DPP6: variants seen among roughly 807,000 people sequenced by gnomAD.
The protein encoded by DPP6 is A-type potassium channel modulatory protein DPP6.
DPP6 carries 69 observed loss-of-function variants against 122.6 expected under a neutral mutation model. The observed-to-expected ratio is 0.56, with a 90% CI of 0.46 to 0.69. DPP6 has a LOEUF of 0.69. Ranked by LOEUF, DPP6 falls within the 30% of genes least tolerant of loss-of-function variation. DPP6 has a pLI of 0.00. For synonymous variants in DPP6, 418 were observed against 433.1 expected, an observed-to-expected ratio of 0.97 and a Z score of 0.43; for missense variants, 928 against 1,116.9, an observed-to-expected ratio of 0.83 and a Z score of 2.41.
chr7:154,330,258 TAATTGA>T (rs1430237233), intron 1 of DPP6, among the ~76,000 whole-genome samples: 1 of 152,214 alleles, frequency 6.6e-6, no homozygotes, highest in East Asian at 1.9e-4. Context: ...TAGTTCTAAT[TAATTGA>T]AATTGAGATC....
intron 12 of DPP6, among the ~76,000 whole-genome samples, chr7:154,800,735 G>A (rs531554723): frequency 2.4e-4 from 37 of 152,182 alleles, no homozygotes; most frequent in Admixed American, 2.4e-3. Context: ...CCCTGGGACT[G>A]CTGTCCCCTC....
intron 1 of DPP6, among the ~76,000 whole-genome samples, chr7:154,012,067 A>G (rs746805861): frequency 4.6e-5 from 7 of 152,208 alleles, no homozygotes; most frequent in African/African-American, 9.6e-5. Context: ...TGTTATCTCC[A>G]TTTCACAAAT....
intron 1 of DPP6, among the ~76,000 whole-genome samples, chr7:154,220,371 G>A (rs1350052431): frequency 3.3e-5 from 5 of 152,150 alleles, no homozygotes; most frequent in Admixed American, 6.5e-5. Flanking sequence ...TAAGTGATGT[G>A]AACTCAGGAC....
intron 1 of DPP6, among the ~76,000 whole-genome samples, chr7:154,430,901 TTAA>T (rs1818298845): frequency 6.4e-5 from 2 of 31,186 alleles, no homozygotes; most frequent in Non-Finnish European, 3.3e-4. Flanking sequence ...GTTTCTTTCG[TTAA>T]GTTAAGTCTT....
intron 1 of DPP6, among the ~76,000 whole-genome samples, chr7:154,101,935 CA>C (rs915468915): frequency 0.16 from 6,635 of 40,870 alleles, 76 homozygotes; most frequent in Middle Eastern, 0.22. Context: ...TACTCCATCT[CA>C]AAAAAAAAAA....
intron 1 of DPP6, among the ~76,000 whole-genome samples, chr7:154,357,715 G>A (rs1161229365): frequency 2.0e-5 from 3 of 152,156 alleles, no homozygotes; most frequent in African/African-American, 7.2e-5. Flanking sequence ...GCTGAGGTGG[G>A]TGGATCACCT....
chr7:154,275,044 T>C (rs1804038926), intron 1 of DPP6, among the ~76,000 whole-genome samples: 1 of 152,230 alleles, frequency 6.6e-6, no homozygotes, highest in African/African-American at 2.4e-5. Flanking sequence ...GCAGGTGCAC[T>C]GTCATGCTCA....
intron 20 of DPP6, among the ~76,000 whole-genome samples, chr7:154,879,897 C>T (rs1401265586): frequency 2.0e-5 from 3 of 152,318 alleles, no homozygotes; most frequent in East Asian, 1.9e-4. Flanking sequence ...CTGAGGCCTC[C>T]GCCACGTGGA....
At chr7:153,837,707 T>G in the DPP6 span, among the ~76,000 whole-genome samples, 1 of 152,094 alleles carries the variant, frequency 6.6e-6, no homozygotes, top group African/African-American at 2.4e-5. Context: ...ATTTTTGTTT[T>G]GAGACGGATT....
At chr7:153,915,800 A>G (rs931044261) in intron 1 of DPP6, among the ~76,000 whole-genome samples, 1 of 152,210 alleles carries the variant, frequency 6.6e-6, no homozygotes. Context: ...GAGACAATGA[A>G]TCAGCATTTC....
chr7:154,803,727 A>G (rs1006285379), intron 13 of DPP6, 137 bp from the exon 14 acceptor site: 2 of 1,337,166 alleles, frequency 1.5e-6, no homozygotes, highest in African/African-American at 2.9e-5. Context: ...AGGAGCAGGC[A>G]GAAGGGGCAG....
intron 16 of DPP6, among the ~76,000 whole-genome samples, chr7:154,851,418 T>C (rs1802371414): frequency 6.6e-6 from 1 of 152,260 alleles, no homozygotes; most frequent in Non-Finnish European, 1.5e-5. Context: ...TATTCTGTTT[T>C]CAAATTTATT....
chr7:154,553,864 C>T (rs1312755305), intron 4 of DPP6, among the ~76,000 whole-genome samples: 3 of 133,198 alleles, frequency 2.3e-5, no homozygotes, highest in Non-Finnish European at 4.6e-5. Context: ...AAAATGAAGA[C>T]TAGAGATGCA....
chr7:154,577,421 AG>A (rs1391643817), intron 5 of DPP6, among the ~76,000 whole-genome samples: 1 of 152,184 alleles, frequency 6.6e-6, no homozygotes, highest in African/African-American at 2.4e-5. Context: ...CAGATGTTTC[AG>A]GGAACACCGT....
At chr7:154,127,828 G>T (rs1255217311) in intron 1 of DPP6, among the ~76,000 whole-genome samples, 1 of 152,064 alleles carries the variant, frequency 6.6e-6, no homozygotes, top group African/African-American at 2.4e-5. Flanking sequence ...TTCACAAGCT[G>T]CTTTCCAGCT....
intron 1 of DPP6, among the ~76,000 whole-genome samples, chr7:154,036,309 G>A (rs1166804945): frequency 9.4e-4 from 128 of 135,976 alleles, no homozygotes; most frequent in African/African-American, 3.6e-3. Context: ...GTTGGGGGCG[G>A]GGGGATTCAC....
chr7:153,824,096 A>G, the DPP6 span, among the ~76,000 whole-genome samples: 8 of 152,166 alleles, frequency 5.3e-5, no homozygotes, highest in Non-Finnish European at 1.2e-4. Flanking sequence ...CACATCAGAA[A>G]TAGGTATTGG....
chr7:154,116,348 T>C (rs1806984069), intron 1 of DPP6, among the ~76,000 whole-genome samples: 1 of 152,250 alleles, frequency 6.6e-6, no homozygotes, highest in African/African-American at 2.4e-5. Flanking sequence ...TTTTCATTGA[T>C]CTTTAGAAAT....
intron 1 of DPP6, among the ~76,000 whole-genome samples, chr7:154,240,921 C>T (rs1173067204): frequency 2.0e-5 from 3 of 152,074 alleles, no homozygotes; most frequent in Admixed American, 6.6e-5. Flanking sequence ...GACATGATAT[C>T]ATATACTTGG....
Sources: gnomAD v4.1 joint callset for allele counts (sites outside exome capture counted in the v4.1 genomes callset) on GRCh38, gnomAD v4.1.1 for gene constraint, MANE v1.5 for transcripts, NCBI Gene and HGNC (gene_info 2026-07-23, HGNC 2026-07-21) for gene names.